Variants in RELN observed in about 807,000 individuals in gnomAD.
RELN encodes reelin.
A neutral mutation model predicts 427.6 loss-of-function variants in RELN; 108 were observed. The ratio of observed to expected loss-of-function variants is 0.25; its 90% CI spans 0.22 to 0.30. The LOEUF (loss-of-function observed/expected upper bound fraction) is 0.30, where lower values mean the gene tolerates loss of function less well. RELN is among the 10% of genes least tolerant of loss of function. The pLI is 1.00. For missense variants in RELN, 3,715 were observed against 4,302.8 expected, an observed-to-expected ratio of 0.86 and a Z score of 3.82; for synonymous variants, 1,524 against 1,513.4, an observed-to-expected ratio of 1.01 and a Z score of -0.16.
chr7:103,633,820 A>G (rs1832521174), intron 19 of RELN, among the ~76,000 whole-genome samples: 1 of 152,078 alleles, frequency 6.6e-6, no homozygotes, highest in Admixed American at 6.6e-5. Context: ...TCATGCTTTC[A>G]TCATCATTAC....
chr7:103,589,387 G>T (rs1000789062), intron 28 of RELN, among the ~76,000 whole-genome samples: 2 of 152,148 alleles, frequency 1.3e-5, no homozygotes, highest in Non-Finnish European at 2.9e-5. Context: ...AATAAGTATT[G>T]TGTAAAGTGG....
intron 2 of RELN, among the ~76,000 whole-genome samples, chr7:103,907,091 C>A (rs1468687502): frequency 6.6e-6 from 1 of 151,978 alleles, no homozygotes; most frequent in African/African-American, 2.4e-5. Context: ...ATATGTTATG[C>A]CAGGATAAAC....
At chr7:103,820,553 T>TA (rs11407230) in intron 3 of RELN, among the ~76,000 whole-genome samples, 74,130 of 148,408 alleles carry the variant, frequency 0.5, 18,358 homozygotes, top group Admixed American at 0.6. Context: ...CACTCATTCT[T>TA]AAAAAAAAAA....
chr7:103,983,260 GA>G (rs1214355123), intron 1 of RELN, among the ~76,000 whole-genome samples: 4 of 152,004 alleles, frequency 2.6e-5, no homozygotes, highest in South Asian at 4.2e-4. Flanking sequence ...GAATAAAAAA[GA>G]AAAAAATAGG....
chr7:103,736,953 A>G (rs1031822471), intron 6 of RELN, among the ~76,000 whole-genome samples: 2 of 152,200 alleles, frequency 1.3e-5, no homozygotes, highest in Non-Finnish European at 2.9e-5. Context: ...AACTCAGAGA[A>G]GAGTTTTGTA....
intron 50 of RELN, among the ~76,000 whole-genome samples, chr7:103,511,941 C>G (rs1829431098): frequency 6.6e-6 from 1 of 152,154 alleles, no homozygotes; most frequent in Non-Finnish European, 1.5e-5. Context: ...CCAAATCGAT[C>G]CATCACTTCC....
rs540754106 is a variant in RELN at position 103,979,216 on chromosome 7, C to T, written c.226+9915G>A. Among the ~76,000 whole-genome samples, 9 of 152,256 alleles carry T rather than the reference C, an allele frequency of 5.9e-5. No individual in the cohort carries two copies. In the East Asian group the frequency reaches 9.7e-4, roughly 16 times the overall value. ...TTATTTAACTTTTACCAGGGGTCAG[C>T]GGATCTTGGTTCAGCTCTGACCGCA... On this transcript the variant is annotated intron_variant, in intron 1 of 64. Transcript: ENST00000428762.
intron 3 of RELN, among the ~76,000 whole-genome samples, chr7:103,783,046 G>C (rs1432700143): frequency 6.6e-6 from 1 of 151,844 alleles, no homozygotes; most frequent in African/African-American, 2.4e-5. Flanking sequence ...GTGGAATATG[G>C]GGGAAAAAAG....
At chr7:103,755,660 A>T (rs1791125913) in intron 4 of RELN, among the ~76,000 whole-genome samples, 1 of 144,594 alleles carries the variant, frequency 6.9e-6, no homozygotes, top group East Asian at 2.0e-4. Flanking sequence ...TAAATAACAT[A>T]AAAAAATTAG....
chr7:103,612,405 AGCTGGGATTAC>A (rs1396211762), intron 20 of RELN, among the ~76,000 whole-genome samples: 38 of 150,490 alleles, frequency 2.5e-4, no homozygotes, highest in African/African-American at 9.1e-4. Flanking sequence ...CCTCCCTAGT[AGCTGGGATTAC>A]AGGCATGTGC....
chr7:103,933,236 G>T (rs531648557), intron 1 of RELN, among the ~76,000 whole-genome samples: 34 of 152,234 alleles, frequency 2.2e-4, no homozygotes, highest in Middle Eastern at 6.8e-3. Flanking sequence ...GATGAGTTTT[G>T]AGTATGCATT....
At chr7:103,674,320 G>T (rs1191196915) in intron 11 of RELN, among the ~76,000 whole-genome samples, 1 of 152,010 alleles carries the variant, frequency 6.6e-6, no homozygotes, top group African/African-American at 2.4e-5. Flanking sequence ...AATTATACTT[G>T]TTATACAATC....
chr7:103,837,086 T>C (rs750273935), intron 2 of RELN, among the ~76,000 whole-genome samples: 16 of 152,222 alleles, frequency 1.1e-4, no homozygotes, highest in African/African-American at 3.6e-4. Context: ...TGTTTCTGAA[T>C]GTTATTTTGT....
intron 3 of RELN, among the ~76,000 whole-genome samples, chr7:103,831,236 C>T (rs1343515392): frequency 2.0e-5 from 3 of 152,002 alleles, no homozygotes; most frequent in Non-Finnish European, 4.4e-5. Context: ...GGCAAGAATT[C>T]GATTCATCCT....
intron 4 of RELN, among the ~76,000 whole-genome samples, chr7:103,770,123 C>T (rs1398588340): frequency 6.6e-6 from 1 of 152,060 alleles, no homozygotes; most frequent in Admixed American, 6.6e-5. Flanking sequence ...CTCACTCTAT[C>T]GCCTAGGCTG....
intron 46 of RELN, among the ~76,000 whole-genome samples, chr7:103,533,658 T>A (rs1829988332): frequency 6.6e-6 from 1 of 152,218 alleles, no homozygotes; most frequent in Non-Finnish European, 1.5e-5. Flanking sequence ...GGGAAATGGA[T>A]GCTCATCAGA....
intron 38 of RELN, among the ~76,000 whole-genome samples, chr7:103,556,761 A>G (rs1830532073): frequency 6.6e-6 from 1 of 152,204 alleles, no homozygotes; most frequent in South Asian, 2.1e-4. Context: ...TGCAAGTGTA[A>G]GTCCGATTAA....
intron 1 of RELN, among the ~76,000 whole-genome samples, chr7:103,986,886 C>A (rs1797109398): frequency 6.6e-6 from 1 of 151,562 alleles, no homozygotes; most frequent in African/African-American, 2.4e-5. Context: ...CACAAAAGTA[C>A]ATGAGATTAA....
chr7:103,501,406 C>T (rs745652324), intron 52 of RELN, among the ~76,000 whole-genome samples: 12 of 152,172 alleles, frequency 7.9e-5, no homozygotes, highest in Non-Finnish European at 1.2e-4. Flanking sequence ...TCAATATTCT[C>T]AGAGTAACTA....
Sources: gnomAD v4.1 joint callset for allele counts (sites outside exome capture counted in the v4.1 genomes callset) on GRCh38, gnomAD v4.1.1 for gene constraint, MANE v1.5 for transcripts, NCBI Gene and HGNC (gene_info 2026-07-23, HGNC 2026-07-21) for gene names.